The following TENM4 variants were observed in gnomAD, a reference collection of about 807,000 sequenced individuals.
TENM4 encodes teneurin-4.
In TENM4, 82 loss-of-function variants were observed where a neutral mutation model predicts 243.3. The observed-to-expected ratio is 0.34, with a 90% CI of 0.28 to 0.40. TENM4 has a LOEUF of 0.40. Ranked by LOEUF, TENM4 falls within the 10% of genes least tolerant of loss-of-function variation. The pLI is 1.00. For missense variants in TENM4, 3,138 were observed against 3,673.3 expected (o/e 0.85, Z 3.77); for synonymous variants, 1,412 against 1,456.3 (o/e 0.97, Z 0.69).
chr11:79,056,545 G>T (rs1389002142), intron 6 of TENM4, among the ~76,000 whole-genome samples: 2 of 151,998 alleles, frequency 1.3e-5, no homozygotes, highest in Non-Finnish European at 2.9e-5. Context: ...TGCGGAGGAG[G>T]CCCCAGGTCA....
At chr11:78,756,732 T>C in intron 19 of TENM4, 73 bp downstream of exon 19, 1 of 1,435,278 alleles carries the variant, frequency 7.0e-7, no homozygotes. Context: ...CCCCCATTCA[T>C]CCAAAAGAGG....
chr11:78,768,343 C>T (rs11237611), intron 18 of TENM4, among the ~76,000 whole-genome samples: 14,591 of 152,260 alleles, frequency 0.096, 2,115 homozygotes, highest in African/African-American at 0.31. Context: ...TGATGACCCA[C>T]GGGATGTCTT....
At chr11:78,822,140 C>A (rs962384502) in intron 12 of TENM4, among the ~76,000 whole-genome samples, 1 of 152,132 alleles carries the variant, frequency 6.6e-6, no homozygotes, top group Non-Finnish European at 1.5e-5. Context: ...GGGGATACTG[C>A]AGGGGGTATT....
intron 3 of TENM4, among the ~76,000 whole-genome samples, chr11:79,209,397 A>G (rs1863912168): frequency 6.6e-6 from 1 of 152,080 alleles, no homozygotes; most frequent in Non-Finnish European, 1.5e-5. Flanking sequence ...GCGTTCCCTC[A>G]CAGTATTCCT....
At chr11:79,311,640 GC>G in intron 1 of TENM4, among the ~76,000 whole-genome samples, 1 of 152,230 alleles carries the variant, frequency 6.6e-6, no homozygotes, top group South Asian at 2.1e-4. Context: ...ACAGACTAAA[GC>G]CCAGCCCTTG....
At chr11:78,942,073 A>G (rs890202859) in intron 6 of TENM4, among the ~76,000 whole-genome samples, 1 of 150,352 alleles carries the variant, frequency 6.7e-6, no homozygotes, top group South Asian at 2.1e-4. Context: ...TGGGCCACAC[A>G]TAAAATACAT....
At chr11:78,947,280 A>T (rs898665238) in intron 6 of TENM4, among the ~76,000 whole-genome samples, 4 of 152,180 alleles carry the variant, frequency 2.6e-5, no homozygotes, top group African/African-American at 7.2e-5. Context: ...AAGCTTAGAG[A>T]GGGGACTCAA....
At chr11:79,360,734 G>C (rs1276407758) in intron 1 of TENM4, among the ~76,000 whole-genome samples, 2 of 152,054 alleles carry the variant, frequency 1.3e-5, no homozygotes, top group Non-Finnish European at 2.9e-5. Context: ...CTTTATGGAT[G>C]AGCAGGCTAT....
At chr11:79,364,646 A>G (rs1372349017) in intron 1 of TENM4, among the ~76,000 whole-genome samples, 1 of 152,256 alleles carries the variant, frequency 6.6e-6, no homozygotes, top group Non-Finnish European at 1.5e-5. Context: ...TATCTAATTT[A>G]ATCCAGTAAC....
At chr11:79,110,247 C>A (rs570828321) in intron 4 of TENM4, among the ~76,000 whole-genome samples, 1 of 152,290 alleles carries the variant, frequency 6.6e-6, no homozygotes. Context: ...AGGTTTTATC[C>A]ATTGCCATAA....
intron 12 of TENM4, among the ~76,000 whole-genome samples, chr11:78,819,229 T>G (rs1565392809): frequency 1.3e-5 from 2 of 152,320 alleles, no homozygotes; most frequent in South Asian, 4.1e-4. Context: ...CCGTTTTGAC[T>G]GTTCACTACT....
At position 78,736,445 on chromosome 11, in the gene TENM4, AGTGTGTGTGTGTGTGTGT is replaced by A. The variant is rs3223449; in HGVS notation, c.2876+1988_2876+2005del. On this transcript the variant is annotated intron_variant, in intron 20 of 33. Transcript: ENST00000278550. ...AGGTGTGAAGTCTGGGATTTCAGCA[AGTGTGTGTGTGTGTGTGT>A]GTGTGTGTGTGTGTGTGCGCGCGCG... Among the ~76,000 whole-genome samples the A allele has an allele frequency of 2.5e-3, 366 of 145,268 alleles. 1 individual carries two copies. The highest frequency in any genetic ancestry group is 4.5e-3 in the Non-Finnish European group (302 of 66,918).
At chr11:78,874,993 G>A (rs1450443412) in intron 9 of TENM4, among the ~76,000 whole-genome samples, 1 of 152,228 alleles carries the variant, frequency 6.6e-6, no homozygotes, top group African/African-American at 2.4e-5. Context: ...GCTGGAGGAA[G>A]CCTGGAGAAC....
chr11:79,352,377 G>C (rs1857428440), intron 1 of TENM4, among the ~76,000 whole-genome samples: 1 of 152,214 alleles, frequency 6.6e-6, no homozygotes, highest in Non-Finnish European at 1.5e-5. Context: ...TAGAGCCACA[G>C]AGGCTTTGGG....
At chr11:78,790,802 G>A (rs1319865272) in intron 15 of TENM4, among the ~76,000 whole-genome samples, 2 of 152,130 alleles carry the variant, frequency 1.3e-5, no homozygotes, top group African/African-American at 2.4e-5. Flanking sequence ...TGCCACTCCT[G>A]GCCCTGCTTA....
At chr11:78,964,035 A>AATTTT (rs1565146105) in intron 6 of TENM4, among the ~76,000 whole-genome samples, 5 of 96,288 alleles carry the variant, frequency 5.2e-5, no homozygotes, top group African/African-American at 2.1e-4. Flanking sequence ...CCACACCCAG[A>AATTTT]CTTTTTTTTT....
intron 6 of TENM4, among the ~76,000 whole-genome samples, chr11:79,053,562 C>A (rs1859858514): frequency 6.6e-6 from 1 of 152,196 alleles, no homozygotes; most frequent in South Asian, 2.1e-4. Flanking sequence ...CATAATAGAT[C>A]TTTGCTGTTT....
chr11:78,833,450 C>T (rs1455092364), intron 12 of TENM4, among the ~76,000 whole-genome samples: 1 of 152,206 alleles, frequency 6.6e-6, no homozygotes, highest in African/African-American at 2.4e-5. Flanking sequence ...ATACCTCCAC[C>T]CAAATTAGCT....
Position 78,805,277 on chromosome 11 carries a change from T to TCCCCACCCAACACAACC in TENM4, c.2179+14_2179+15insGGTTGTGTTGGGTGGGG. 7.1e-7 allele frequency: 1 copy of TCCCCACCCAACACAACC among 1,402,546 alleles called. No homozygotes were observed. Among genetic ancestry groups the TCCCCACCCAACACAACC allele is most frequent in the Non-Finnish European group, 9.7e-7 (1 of 1,033,112 alleles). The allele number at this position is 1,402,546 out of a possible 1,614,324, so 86.9% of individuals were successfully genotyped here. ...CCCCTCCCTCTACCCATGCTTCTTCTCCCCCTGCATTTACCGATAGAACAG... is the reference window on the plus strand; with the variant it reads ...CCCCTCCCTCTACCCATGCTTCTTCTCCCCACCCAACACAACCCCCCCTGCATTTACCGATAGAACAG... On this transcript the variant is annotated intron_variant, in intron 15 of 33. Transcript: ENST00000278550.
Sources: allele counts gnomAD v4.1 joint callset (sites outside exome capture counted in the v4.1 genomes callset), GRCh38; gene constraint gnomAD v4.1.1; transcripts MANE v1.5; gene names NCBI Gene and HGNC (gene_info 2026-07-23, HGNC 2026-07-21).